Variants in PTPRN2 observed in about 807,000 individuals in gnomAD.
The protein encoded by PTPRN2 is protein tyrosine phosphatase receptor type N2, also known as receptor-type tyrosine-protein phosphatase N2.
PTPRN2 carries 74 observed loss-of-function variants against 118.8 expected under a neutral mutation model. The observed-to-expected ratio is 0.62, with a 90% CI of 0.52 to 0.76. The LOEUF is 0.76. Among genes scored for constraint, PTPRN2 ranks in the 30% least tolerant of loss-of-function variants. The pLI is 0.00. For missense variants in PTPRN2, 1,481 were observed against 1,394.4 expected, an observed-to-expected ratio of 1.06 and a Z score of -0.99; for synonymous variants, 641 against 608.0, an observed-to-expected ratio of 1.05 and a Z score of -0.80.
At chr7:157,994,296 C>T (rs896515250) in intron 11 of PTPRN2, among the ~76,000 whole-genome samples, 1 of 152,172 alleles carries the variant, frequency 6.6e-6, no homozygotes, top group South Asian at 2.1e-4. Context: ...CACGAAGCAG[C>T]ACAGCAAAGT....
chr7:157,647,385 CA>C (rs1805188306), intron 14 of PTPRN2, among the ~76,000 whole-genome samples: 1 of 25,490 alleles, frequency 3.9e-5, no homozygotes. Context: ...CGGACCCATC[CA>C]GCGTGCACTG....
chr7:158,412,242 GCCC>G (rs1814183168), intron 2 of PTPRN2, among the ~76,000 whole-genome samples: 1 of 111,420 alleles, frequency 9.0e-6, no homozygotes, highest in Non-Finnish European at 1.8e-5. Context: ...CAGCACCAGG[GCCC>G]ATCTCAGCAC....
Position 157,987,888 on chromosome 7 carries a change from C to T in PTPRN2, c.1724-89151G>A, listed in dbSNP as rs1803932401. Among the ~76,000 whole-genome samples, 1 of 151,238 alleles carries T rather than the reference C, an allele frequency of 6.6e-6. No individual in the cohort carries two copies. Among genetic ancestry groups the T allele is most frequent in the Non-Finnish European group, 1.5e-5 (1 of 67,742 alleles). On this transcript the variant is annotated intron_variant, in intron 11 of 22. Transcript: ENST00000389418. This position sits in a 1 kb window ranked among gnomAD's most constrained non-coding sequence, Gnocchi z 4.3. Reference sequence around the variant, plus strand: ...CTGATGCCCCCAGCTCTCCCCACACCTGCCATTCCCCACGTTAATGCAGCA... The same window carrying T: ...CTGATGCCCCCAGCTCTCCCCACACTTGCCATTCCCCACGTTAATGCAGCA...
At position 157,622,662 on chromosome 7, in the gene PTPRN2, T is replaced by A. The variant is rs1803330392; in HGVS notation, c.2197-1153A>T. 6.6e-6 allele frequency among the ~76,000 whole-genome samples: 1 copy of A among 152,104 alleles called. No homozygotes were observed. Among genetic ancestry groups the A allele is most frequent in the Admixed American group, 6.5e-5 (1 of 15,280 alleles). On this transcript the variant is annotated intron_variant, in intron 14 of 22. Coordinates refer to ENST00000389418, the MANE Select transcript of PTPRN2 (RefSeq NM_002847.5). The surrounding 1 kb of genome is among the most constrained non-coding windows in gnomAD (Gnocchi z 5.3). Reference sequence around the variant, plus strand: ...CTGGCCCAGCTCACACGGGAGCAGGTGCATCGGGCACCTGTGCTGTTTGCG... The same window carrying A: ...CTGGCCCAGCTCACACGGGAGCAGGAGCATCGGGCACCTGTGCTGTTTGCG...
At chr7:157,870,898 G>A (rs1389232061) in intron 12 of PTPRN2, among the ~76,000 whole-genome samples, 3 of 152,248 alleles carry the variant, frequency 2.0e-5, no homozygotes, top group Non-Finnish European at 4.4e-5. Flanking sequence ...GTACTTTGAT[G>A]TTGATCTTTC....
intron 11 of PTPRN2, among the ~76,000 whole-genome samples, chr7:158,058,227 C>T (rs1440543753): frequency 4.1e-5 from 6 of 147,652 alleles, no homozygotes; most frequent in African/African-American, 7.6e-5. Context: ...GACATCACTG[C>T]AGCCACACTC....
At chr7:158,070,969 C>CGGTGGAGGTGCTCGTGGT (rs1811352845) in intron 11 of PTPRN2, among the ~76,000 whole-genome samples, 1 of 16,634 alleles carries the variant, frequency 6.0e-5, no homozygotes, top group Non-Finnish European at 1.0e-4. Context: ...GAGGTGCTCA[C>CGGTGGAGGTGCTCGTGGT]GGTGGAGGTG....
At chr7:158,197,672 G>A (rs1034650949) in intron 4 of PTPRN2, among the ~76,000 whole-genome samples, 2 of 152,178 alleles carry the variant, frequency 1.3e-5, no homozygotes, top group Admixed American at 6.5e-5. Context: ...CTCAGGAAAC[G>A]TAACAATCAT....
intron 3 of PTPRN2, among the ~76,000 whole-genome samples, chr7:158,297,979 G>GT (rs374591921): frequency 3.9e-5 from 6 of 151,920 alleles, no homozygotes; most frequent in African/African-American, 1.2e-4. Flanking sequence ...CAACTTACAG[G>GT]TTTTTTTTCT....
At chr7:158,041,573 G>A (rs970959553) in intron 11 of PTPRN2, among the ~76,000 whole-genome samples, 3 of 152,166 alleles carry the variant, frequency 2.0e-5, no homozygotes, top group Admixed American at 6.5e-5. Flanking sequence ...GGGAGGCAGA[G>A]GTTGCAGTGA....
At chr7:158,021,596 A>T (rs1806875283) in intron 11 of PTPRN2, among the ~76,000 whole-genome samples, 1 of 151,956 alleles carries the variant, frequency 6.6e-6, no homozygotes, top group Non-Finnish European at 1.5e-5. Flanking sequence ...GGACACAGCC[A>T]GAAGGCGCTG....
At chr7:157,916,118 G>A (rs187306775) in intron 11 of PTPRN2, among the ~76,000 whole-genome samples, 213 of 152,346 alleles carry the variant, frequency 1.4e-3, no homozygotes, top group African/African-American at 4.7e-3. Flanking sequence ...GGAATCTGCC[G>A]TGACTCTTGC....
intron 12 of PTPRN2, among the ~76,000 whole-genome samples, chr7:157,770,006 C>T (rs1425530165): frequency 6.6e-6 from 1 of 152,218 alleles, no homozygotes; most frequent in East Asian, 1.9e-4. Flanking sequence ...CGCATCCACG[C>T]TTGGCCCCAG....
intron 12 of PTPRN2, among the ~76,000 whole-genome samples, chr7:157,702,593 G>A (rs535122885): frequency 6.6e-6 from 1 of 152,370 alleles, no homozygotes; most frequent in East Asian, 1.9e-4. Context: ...AGAGCCCCGG[G>A]GCGGAGGCTC....
At chr7:158,136,806 G>C (rs1818864896) in intron 7 of PTPRN2, 111 bp from the exon 8 acceptor site, 1 of 985,720 alleles carries the variant, frequency 1.0e-6, no homozygotes, top group South Asian at 1.4e-5. Flanking sequence ...GGTGAGGTGT[G>C]ATGACGCTGG....
At chr7:158,379,970 C>G (rs1810842785) in intron 2 of PTPRN2, among the ~76,000 whole-genome samples, 1 of 152,148 alleles carries the variant, frequency 6.6e-6, no homozygotes, top group African/African-American at 2.4e-5. Context: ...ATAAAACCAT[C>G]AGATCTTGTG....
Position 157,808,918 on chromosome 7 carries a change from A to G in PTPRN2, c.1788+89755T>C, listed in dbSNP as rs1805800812. Among the ~76,000 whole-genome samples, 1 of 151,804 alleles carries G rather than the reference A, an allele frequency of 6.6e-6. No homozygotes were observed. Reference sequence around the variant, plus strand: ...TGGTCAGTCCCTGCAGCACCTCCCGAAGTGTGGTGTGTCACTTGCTTTTAT... The same window carrying G: ...TGGTCAGTCCCTGCAGCACCTCCCGGAGTGTGGTGTGTCACTTGCTTTTAT... On this transcript the variant is annotated intron_variant, in intron 12 of 22. Coordinates refer to ENST00000389418, the MANE Select transcript of PTPRN2 (RefSeq NM_002847.5). This position sits in a 1 kb window ranked among gnomAD's most constrained non-coding sequence, Gnocchi z 5.0.
chr7:157,845,418 C>T lies in PTPRN2; in HGVS notation c.1788+53255G>A, dbSNP rs1388866096. Among the ~76,000 whole-genome samples, 1 of 151,874 alleles carries T rather than the reference C, an allele frequency of 6.6e-6. No homozygotes were observed. The highest frequency in any genetic ancestry group is 1.5e-5 in the Non-Finnish European group (1 of 68,012). ...CAGCCTAACTCACCAGGTTACTGGC[C>T]TAACTCACCATGTTCCCGGCCATAC... On this transcript the variant is annotated intron_variant, in intron 12 of 22. Coordinates refer to ENST00000389418, the MANE Select transcript of PTPRN2 (RefSeq NM_002847.5). This position sits in a 1 kb window ranked among gnomAD's most constrained non-coding sequence, Gnocchi z 4.5.
chr7:158,252,050 C>T (rs572850897), intron 3 of PTPRN2, among the ~76,000 whole-genome samples: 16 of 152,304 alleles, frequency 1.1e-4, no homozygotes, highest in African/African-American at 2.4e-4. Flanking sequence ...CTGTGGGACA[C>T]GCCCATTTTA....
Sources: gnomAD v4.1 joint callset for allele counts (sites outside exome capture counted in the v4.1 genomes callset) on GRCh38, gnomAD v4.1.1 for gene constraint, Gnocchi (gnomAD v3.1) non-coding constraint, MANE v1.5 for transcripts, NCBI Gene and HGNC (gene_info 2026-07-23, HGNC 2026-07-21) for gene names.